Variants in TXNRD1 observed in about 807,000 individuals in gnomAD.
TXNRD1 encodes the protein thioredoxin reductase 1, cytoplasmic.
TXNRD1 carries 57 observed loss-of-function variants against 80.3 expected under a neutral mutation model. That is an observed-to-expected ratio of 0.71 (90% CI 0.57 to 0.89). TXNRD1 has a LOEUF of 0.89. Ranked by LOEUF, TXNRD1 falls within the 40% of genes least tolerant of loss-of-function variation. The probability of loss-of-function intolerance (pLI) is 0.00; values close to 1 mark genes in which losing one functional copy is unlikely to be tolerated. For missense variants in TXNRD1, 730 were observed against 803.0 expected, an observed-to-expected ratio of 0.91 and a Z score of 1.10; for synonymous variants, 291 against 285.2, an observed-to-expected ratio of 1.02 and a Z score of -0.20.
intron 1 of TXNRD1, among the ~76,000 whole-genome samples, chr12:104,239,349 A>G (rs2032809697): frequency 6.6e-6 from 1 of 152,004 alleles, no homozygotes; most frequent in Non-Finnish European, 1.5e-5. Context: ...GTGTGCCACT[A>G]CAACCGGCTA....
At chr12:104,278,483 G>A (rs1208477060) in intron 3 of TXNRD1, among the ~76,000 whole-genome samples, 4 of 142,822 alleles carry the variant, frequency 2.8e-5, no homozygotes, top group Non-Finnish European at 4.5e-5. Context: ...ACAGGCTTGA[G>A]CCATTGCGCC....
At chr12:104,341,683 C>CA (rs1277004838) in intron 16 of TXNRD1, among the ~76,000 whole-genome samples, 1 of 145,824 alleles carries the variant, frequency 6.9e-6, no homozygotes. Flanking sequence ...CTAGAACAAC[C>CA]AATTCTCCAG....
At chr12:104,270,703 A>T (rs1406113932) in intron 3 of TXNRD1, among the ~76,000 whole-genome samples, 1 of 152,180 alleles carries the variant, frequency 6.6e-6, no homozygotes, top group Non-Finnish European at 1.5e-5. Flanking sequence ...CATCTTAGAA[A>T]GGGCAATGAC....
In TXNRD1 at chr12:104,314,018, G is replaced by A. The variant is rs1368866085; in HGVS notation, c.610+701G>A. On this transcript the variant is annotated intron_variant, in intron 6 of 16. Transcript: ENST00000525566. ...GAATGAGCCAGCTGTCAAAAGGTGA[G>A]GCAGAACCTTCCAGGCAGCTTCTCT... Among the ~76,000 whole-genome samples the A allele has an allele frequency of 2.6e-5, 4 of 152,210 alleles. No homozygotes were observed. The South Asian group carries it at 8.3e-4, about 31-fold the overall frequency.
At chr12:104,281,035 T>G (rs2033865408) in intron 3 of TXNRD1, among the ~76,000 whole-genome samples, 1 of 152,192 alleles carries the variant, frequency 6.6e-6, no homozygotes, top group Admixed American at 6.5e-5. Flanking sequence ...TACTTACATA[T>G]CCAACTGCTT....
At chr12:104,219,658 T>G (rs1285918025) in intron 1 of TXNRD1, among the ~76,000 whole-genome samples, 1 of 152,222 alleles carries the variant, frequency 6.6e-6, no homozygotes, top group East Asian at 1.9e-4. Context: ...CTTGCAAACA[T>G]TTTTCCTGCT....
chr12:104,327,669 A>C lies in TXNRD1; in HGVS notation c.1540A>C (p.Lys514Gln). The change falls in exon 13 of 17, where the codon AAG (lysine) becomes CAG (glutamine). Residue 514 changes from lysine to glutamine, a missense_variant and splice_region_variant. Transcript: ENST00000525566. ...AQRLYAGSTV[K>Q]CDYENVPTTV... is the part of the protein sequence containing the mutation. Reference sequence around the variant, plus strand: ...GAGGCTCTATGCAGGTTCCACTGTCAAGGTGAGTGTTGTGCTTGTTGCCCA... The same window carrying C: ...GAGGCTCTATGCAGGTTCCACTGTCCAGGTGAGTGTTGTGCTTGTTGCCCA... The C allele has an allele frequency of 6.2e-7, 1 of 1,613,460 alleles. No homozygotes were observed. The highest frequency in any genetic ancestry group is 8.5e-7 in the Non-Finnish European group (1 of 1,179,754).
At chr12:104,325,033 G>C (rs567348673) in intron 10 of TXNRD1, among the ~76,000 whole-genome samples, 4 of 152,140 alleles carry the variant, frequency 2.6e-5, no homozygotes, top group Admixed American at 2.6e-4. Flanking sequence ...GTAAGTCATT[G>C]GTTTGATTTT....
chr12:104,314,299 A>G (rs1486999304), intron 6 of TXNRD1, among the ~76,000 whole-genome samples: 1 of 152,246 alleles, frequency 6.6e-6, no homozygotes, highest in African/African-American at 2.4e-5. Flanking sequence ...GTGATAATAT[A>G]AGATTTTTTA....
chr12:104,294,233 G>GGCCCC (rs60817773), intron 4 of TXNRD1, among the ~76,000 whole-genome samples: 11 of 68,878 alleles, frequency 1.6e-4, no homozygotes, highest in African/African-American at 1.8e-4. Flanking sequence ...CCGGGGAAAG[G>GGCCCC]CCCCCCCCCC....
At chr12:104,338,506 C>T (rs960856911) in intron 15 of TXNRD1, among the ~76,000 whole-genome samples, 1 of 151,210 alleles carries the variant, frequency 6.6e-6, no homozygotes. Flanking sequence ...ACCAGCCTGG[C>T]CAACATGGCG....
intron 1 of TXNRD1, among the ~76,000 whole-genome samples, chr12:104,229,144 CTTTTT>C (rs56077479): frequency 1.9e-5 from 2 of 106,078 alleles, no homozygotes; most frequent in Non-Finnish European, 1.8e-5. Context: ...CATTACTTTT[CTTTTT>C]TTTTTTTTTT....
chr12:104,241,134 G>T (rs1455481911), intron 1 of TXNRD1, among the ~76,000 whole-genome samples: 1 of 151,664 alleles, frequency 6.6e-6, no homozygotes, highest in Non-Finnish European at 1.5e-5. Flanking sequence ...CTGCCTCACA[G>T]GTTCAAGTGA....
intron 3 of TXNRD1, chr12:104,286,611 A>G: frequency 1.9e-6 from 1 of 513,878 alleles, no homozygotes; most frequent in Non-Finnish European, 2.5e-6. Context: ...TTAAACGCAG[A>G]GGCCCAGGTC....
Position 104,252,662 on chromosome 12 carries a change from T to TATATATATA in TXNRD1, c.243+984_243+985insATATATATA, listed in dbSNP as rs756948232. ...CACTGAGAGGTTAATTTATTATTTTTTATATATATATATATATATATATAT... is the reference window on the plus strand; with the variant it reads ...CACTGAGAGGTTAATTTATTATTTTTATATATATATATATATATATATATATATATATAT... On this transcript the variant is annotated intron_variant, in intron 2 of 16. Coordinates refer to ENST00000525566, the MANE Select transcript of TXNRD1 (RefSeq NM_001093771.3). 1.7e-3 allele frequency among the ~76,000 whole-genome samples: 77 copies of TATATATATA among 45,774 alleles called. 3 individuals are homozygous for TATATATATA. Among genetic ancestry groups the TATATATATA allele is most frequent in the East Asian group, 9.5e-3 (8 of 844 alleles). The allele number at this position is 45,774 out of a possible 152,430, so 30.0% of individuals were successfully genotyped here. A position where few individuals can be genotyped will look rare whatever the true frequency, so the allele number is the denominator to read the frequency against.
intron 9 of TXNRD1, 76 bp downstream of exon 9, chr12:104,319,661 C>A: frequency 9.2e-7 from 1 of 1,087,970 alleles, no homozygotes; most frequent in Non-Finnish European, 1.4e-6. Context: ...AAACCCACTG[C>A]GTCAATTTCT....
At chr12:104,255,745 A>T (rs1038949392) in intron 2 of TXNRD1, among the ~76,000 whole-genome samples, 9 of 152,202 alleles carry the variant, frequency 5.9e-5, no homozygotes, top group African/African-American at 2.2e-4. Flanking sequence ...GTGAGCCAAG[A>T]TCGCACCATT....
At chr12:104,328,497 C>A (rs2035842354) in intron 13 of TXNRD1, among the ~76,000 whole-genome samples, 1 of 152,146 alleles carries the variant, frequency 6.6e-6, no homozygotes, top group African/African-American at 2.4e-5. Flanking sequence ...TGGCTCATGC[C>A]TGTAATCCCA....
Position 104,342,331 on chromosome 12 carries a change from G to A in TXNRD1, c.1881+3058G>A, listed in dbSNP as rs569167731. Among the ~76,000 whole-genome samples the A allele has an allele frequency of 2.0e-5, 3 of 152,182 alleles. No homozygotes were observed. The South Asian group carries it at 6.2e-4, about 32-fold the overall frequency. On this transcript the variant is annotated intron_variant, in intron 16 of 16. Coordinates refer to ENST00000525566, the MANE Select transcript of TXNRD1 (RefSeq NM_001093771.3). Reference sequence around the variant, plus strand: ...ATAAGCTCAGGTGTGGTTGAAAGGGGCTCATTATGAATAGCAAAAGATGCT... The same window carrying A: ...ATAAGCTCAGGTGTGGTTGAAAGGGACTCATTATGAATAGCAAAAGATGCT...
Sources: allele counts gnomAD v4.1 joint callset (sites outside exome capture counted in the v4.1 genomes callset), GRCh38; gene constraint gnomAD v4.1.1; transcripts MANE v1.5; gene names NCBI Gene and HGNC (gene_info 2026-07-23, HGNC 2026-07-21).